Variants in NRG3 observed in about 807,000 individuals in gnomAD.
NRG3 encodes pro-neuregulin-3, membrane-bound isoform.
A neutral mutation model predicts 66.9 loss-of-function variants in NRG3; 31 were observed. The observed-to-expected ratio is 0.46, with a 90% CI of 0.35 to 0.63. The LOEUF is 0.63. Ranked by LOEUF, NRG3 falls within the 20% of genes least tolerant of loss-of-function variation. The probability of loss-of-function intolerance (pLI) is 0.00; values close to 1 mark genes in which losing one functional copy is unlikely to be tolerated. For synonymous variants in NRG3, 393 were observed against 359.4 expected (o/e 1.09, Z -1.06); for missense variants, 910 against 878.9 (o/e 1.04, Z -0.45).
intron 1 of NRG3, among the ~76,000 whole-genome samples, chr10:82,083,393 G>A (rs1337640284): frequency 6.6e-6 from 1 of 152,036 alleles, no homozygotes; most frequent in Non-Finnish European, 1.5e-5. Context: ...CAGCCTGAGT[G>A]GTGCAACTAC....
chr10:82,862,281 C>T (rs1448358448), intron 3 of NRG3, among the ~76,000 whole-genome samples: 5 of 152,124 alleles, frequency 3.3e-5, no homozygotes, highest in Admixed American at 2.6e-4. Flanking sequence ...TTCCCCAGCA[C>T]CAAAAGCACA....
At chr10:82,953,968 AAAC>A (rs1564661466) in intron 5 of NRG3, among the ~76,000 whole-genome samples, 1 of 151,368 alleles carries the variant, frequency 6.6e-6, no homozygotes, top group African/African-American at 2.4e-5. Context: ...AAAAAAAAAA[AAAC>A]AATGCAATCA....
rs528828504 is a variant in NRG3 at position 82,418,052 on chromosome 10, G to A, written c.953+59184G>A. On this transcript the variant is annotated intron_variant, in intron 2 of 8. Coordinates refer to ENST00000372141, the MANE Select transcript of NRG3 (RefSeq NM_001010848.4). ...GAAAGAAGGTTTTAAATTGCTATCAGAATTTGCCATTTTAGTGATTGAAAC... is the reference window on the plus strand; with the variant it reads ...GAAAGAAGGTTTTAAATTGCTATCAAAATTTGCCATTTTAGTGATTGAAAC... Among the ~76,000 whole-genome samples, 8 of 152,330 alleles carry A rather than the reference G, an allele frequency of 5.3e-5. No individual in the cohort carries two copies. In the East Asian group the frequency reaches 1.5e-3, roughly 29 times the overall value.
chr10:82,271,510 G>T (rs2078595478), intron 1 of NRG3, among the ~76,000 whole-genome samples: 1 of 152,004 alleles, frequency 6.6e-6, no homozygotes, highest in Non-Finnish European at 1.5e-5. Flanking sequence ...CCCCTTAAAG[G>T]TGTTAAAACT....
At chr10:82,923,743 G>A (rs1846692461) in intron 4 of NRG3, among the ~76,000 whole-genome samples, 1 of 151,796 alleles carries the variant, frequency 6.6e-6, no homozygotes, top group Non-Finnish European at 1.5e-5. Context: ...GGCCTTAAAA[G>A]ACAAAAAATC....
chr10:82,958,015 C>T (rs1180439920), intron 5 of NRG3, among the ~76,000 whole-genome samples: 1 of 152,028 alleles, frequency 6.6e-6, no homozygotes, highest in Non-Finnish European at 1.5e-5. Flanking sequence ...TGGTTTGTCC[C>T]ATCCTTCTGG....
At chr10:82,154,437 C>A (rs1230469795) in intron 1 of NRG3, among the ~76,000 whole-genome samples, 1 of 151,726 alleles carries the variant, frequency 6.6e-6, no homozygotes, top group Non-Finnish European at 1.5e-5. Flanking sequence ...TTATATTTCT[C>A]TTTTTATGCC....
intron 2 of NRG3, among the ~76,000 whole-genome samples, chr10:82,697,908 T>C (rs1455384404): frequency 6.6e-6 from 1 of 152,134 alleles, no homozygotes. Flanking sequence ...TTTTTGAGGC[T>C]GTGACAGTCC....
At chr10:82,012,693 C>T (rs1351264810) in intron 1 of NRG3, among the ~76,000 whole-genome samples, 1 of 152,172 alleles carries the variant, frequency 6.6e-6, no homozygotes, top group Non-Finnish European at 1.5e-5. Context: ...TTTCTTCCAC[C>T]AGATACCCTA....
intron 1 of NRG3, among the ~76,000 whole-genome samples, chr10:82,017,352 G>A (rs1172566941): frequency 2.0e-5 from 3 of 152,132 alleles, no homozygotes; most frequent in Non-Finnish European, 4.4e-5. Flanking sequence ...TGGACATTTG[G>A]GTTGGTTCCA....
chr10:82,321,055 A>G (rs1376445738), intron 1 of NRG3, among the ~76,000 whole-genome samples: 1 of 152,214 alleles, frequency 6.6e-6, no homozygotes, highest in Admixed American at 6.5e-5. Context: ...CCAGGTACCA[A>G]GAGGTCACTG....
chr10:82,769,458 T>C (rs2135155215), intron 3 of NRG3, among the ~76,000 whole-genome samples: 1 of 152,246 alleles, frequency 6.6e-6, no homozygotes, highest in Admixed American at 6.5e-5. Context: ...CTTTAATTAC[T>C]TGAATTTAGG....
intron 7 of NRG3, among the ~76,000 whole-genome samples, chr10:82,976,986 A>T (rs936662770): frequency 5.9e-5 from 9 of 152,054 alleles, no homozygotes; most frequent in Admixed American, 3.3e-4. Context: ...AACACTTATC[A>T]CACTTTTGTA....
chr10:82,473,314 A>G (rs1026228336), intron 2 of NRG3, among the ~76,000 whole-genome samples: 7 of 152,220 alleles, frequency 4.6e-5, no homozygotes, highest in Admixed American at 2.0e-4. Context: ...GTTATAAAGT[A>G]AGGAAGAAAT....
chr10:82,417,113 A>G (rs543871902), intron 2 of NRG3, among the ~76,000 whole-genome samples: 1 of 152,276 alleles, frequency 6.6e-6, no homozygotes, highest in African/African-American at 2.4e-5. Context: ...CTTCAGCTCC[A>G]CAAAAAATCC....
chr10:82,199,110 A>G (rs1297707787), intron 1 of NRG3, among the ~76,000 whole-genome samples: 1 of 149,744 alleles, frequency 6.7e-6, no homozygotes, highest in African/African-American at 2.5e-5. Flanking sequence ...CAGAGGTTGC[A>G]GTGAGCTGAG....
In NRG3 at chr10:82,545,783, C is replaced by CTTT. The variant is rs1002975772; in HGVS notation, c.953+186935_953+186937dup. Among the ~76,000 whole-genome samples the CTTT allele has an allele frequency of 2.4e-3, 216 of 91,446 alleles. 2 individuals carry two copies. Among genetic ancestry groups the CTTT allele is most frequent in the Non-Finnish European group, 3.3e-3 (166 of 50,914 alleles). 60.0% of individuals were successfully genotyped at this position (91,446 alleles called of 152,430 possible). A position where few individuals can be genotyped will look rare whatever the true frequency, so the allele number is the denominator to read the frequency against. On this transcript the variant is annotated intron_variant, in intron 2 of 8. Transcript: ENST00000372141. ...TTGATCGTAATATATAATATCAACT[C>CTTT]TTTTTTTTTTTTTTTTTTTTTTGAG...
At chr10:81,883,531 G>T (rs900567013) in intron 1 of NRG3, among the ~76,000 whole-genome samples, 5 of 152,106 alleles carry the variant, frequency 3.3e-5, no homozygotes, top group African/African-American at 1.2e-4. Flanking sequence ...CCTTTTCCTG[G>T]AAGTGATAGT....
intron 4 of NRG3, among the ~76,000 whole-genome samples, chr10:82,941,665 T>G (rs1564649784): frequency 6.6e-6 from 1 of 152,172 alleles, no homozygotes; most frequent in Non-Finnish European, 1.5e-5. Context: ...ATGATGAGGT[T>G]GGTTTGATGG....
Sources: allele counts gnomAD v4.1 joint callset (sites outside exome capture counted in the v4.1 genomes callset), GRCh38; gene constraint gnomAD v4.1.1; transcripts MANE v1.5; gene names NCBI Gene and HGNC (gene_info 2026-07-23, HGNC 2026-07-21).